FHIT: variants seen among roughly 807,000 people sequenced by gnomAD.
The protein encoded by FHIT is bis(5'-adenosyl)-triphosphatase.
Under a neutral mutation model 17.9 loss-of-function variants are expected in FHIT, and 19 were observed. The ratio of observed to expected loss-of-function variants is 1.06; its 90% confidence interval spans 0.74 to 1.56. FHIT has a LOEUF of 1.56. FHIT is among the 40% of genes most tolerant of loss of function. FHIT has a pLI of 0.00. For missense variants in FHIT, 248 were observed against 189.2 expected, an observed-to-expected ratio of 1.31 and a Z score of -1.82; for synonymous variants, 81 against 69.7, an observed-to-expected ratio of 1.16 and a Z score of -0.81.
At chr3:61,216,579 A>G (rs1045938350) in intron 1 of FHIT, among the ~76,000 whole-genome samples, 11 of 152,356 alleles carry the variant, frequency 7.2e-5, no homozygotes, top group East Asian at 1.9e-4. Context: ...TGTGGAAGTC[A>G]GTGTGGCGAT....
At chr3:60,556,703 T>A (rs1018644235) in intron 4 of FHIT, among the ~76,000 whole-genome samples, 1 of 152,146 alleles carries the variant, frequency 6.6e-6, no homozygotes, top group Non-Finnish European at 1.5e-5. Context: ...GGGGTGGGTT[T>A]TGGAATAGCA....
chr3:60,662,479 C>A (rs1553691406), intron 4 of FHIT, among the ~76,000 whole-genome samples: 1 of 152,096 alleles, frequency 6.6e-6, no homozygotes, highest in African/African-American at 2.4e-5. Context: ...AATGAGATGC[C>A]TCCAGATTTG....
chr3:60,903,492 T>G (rs1706229402), intron 3 of FHIT, among the ~76,000 whole-genome samples: 1 of 152,226 alleles, frequency 6.6e-6, no homozygotes, highest in Admixed American at 6.5e-5. Flanking sequence ...AGTGCACACT[T>G]CTAAGTTAGA....
intron 4 of FHIT, among the ~76,000 whole-genome samples, chr3:60,545,055 A>C (rs1010910225): frequency 2.9e-4 from 44 of 151,140 alleles, no homozygotes; most frequent in African/African-American, 1.0e-3. Context: ...GAAAGGACTA[A>C]GTTTTGACAA....
At chr3:60,793,654 C>T (rs1364837699) in intron 4 of FHIT, among the ~76,000 whole-genome samples, 1 of 151,962 alleles carries the variant, frequency 6.6e-6, no homozygotes. Flanking sequence ...CTGCTTACAG[C>T]GTGGCAAGAA....
chr3:60,853,396 T>C (rs889876485), intron 3 of FHIT, among the ~76,000 whole-genome samples: 1 of 152,124 alleles, frequency 6.6e-6, no homozygotes, highest in African/African-American at 2.4e-5. Flanking sequence ...CAGTTGGAAT[T>C]GTGAAGTCAT....
intron 5 of FHIT, among the ~76,000 whole-genome samples, chr3:60,519,445 T>G (rs1469434525): frequency 6.6e-6 from 1 of 152,206 alleles, no homozygotes; most frequent in African/African-American, 2.4e-5. Context: ...ATCTGCATAG[T>G]TGAAAATTCA....
intron 5 of FHIT, among the ~76,000 whole-genome samples, chr3:60,529,708 T>G (rs2035702460): frequency 1.3e-5 from 2 of 152,190 alleles, no homozygotes; most frequent in South Asian, 4.1e-4. Context: ...CCATGACAGT[T>G]TAAAACTACT....
intron 4 of FHIT, among the ~76,000 whole-genome samples, chr3:60,621,183 T>G (rs1299637237): frequency 7.6e-6 from 1 of 131,424 alleles, no homozygotes; most frequent in Non-Finnish European, 1.6e-5. Context: ...GAGTCTCACA[T>G]GGTCACCTAG....
At chr3:61,019,516 G>C (rs1242542362) in intron 3 of FHIT, among the ~76,000 whole-genome samples, 1 of 152,182 alleles carries the variant, frequency 6.6e-6, no homozygotes, top group Non-Finnish European at 1.5e-5. Flanking sequence ...AAGTCTAATA[G>C]ATTGCCATAT....
intron 3 of FHIT, among the ~76,000 whole-genome samples, chr3:60,825,751 T>C (rs1256921525): frequency 6.6e-6 from 1 of 152,178 alleles, no homozygotes; most frequent in South Asian, 2.1e-4. Flanking sequence ...CACCTCCCCA[T>C]CCATGGAAAA....
chr3:60,296,908 T>TTAG (rs1708237130), intron 5 of FHIT, among the ~76,000 whole-genome samples: 1 of 135,316 alleles, frequency 7.4e-6, no homozygotes, highest in Admixed American at 8.1e-5. Context: ...ACTGAATTGC[T>TTAG]TTTTTATTTT....
chr3:60,908,817 G>C (rs782453886), intron 3 of FHIT, among the ~76,000 whole-genome samples: 2 of 151,580 alleles, frequency 1.3e-5, no homozygotes, highest in African/African-American at 2.4e-5. Flanking sequence ...AGCTGTAATA[G>C]CAGAGCCATT....
At chr3:60,926,490 G>C (rs1249554955) in intron 3 of FHIT, among the ~76,000 whole-genome samples, 3 of 152,320 alleles carry the variant, frequency 2.0e-5, no homozygotes, top group African/African-American at 7.2e-5. Context: ...CAGAAATAAA[G>C]ACGTTCTTTG....
chr3:60,375,117 CA>C (rs1700497612), intron 5 of FHIT, among the ~76,000 whole-genome samples: 1 of 141,710 alleles, frequency 7.1e-6, no homozygotes, highest in Admixed American at 7.0e-5. Flanking sequence ...AAAAAAAAAA[CA>C]AAAACAAAAA....
chr3:60,826,067 T>C (rs969964641), intron 3 of FHIT, among the ~76,000 whole-genome samples: 3 of 151,974 alleles, frequency 2.0e-5, no homozygotes, highest in Admixed American at 2.0e-4. Flanking sequence ...GTACAGATGA[T>C]CATTACACTA....
chr3:61,118,839 C>T (rs183075346), intron 2 of FHIT, among the ~76,000 whole-genome samples: 13 of 152,222 alleles, frequency 8.5e-5, no homozygotes, highest in African/African-American at 1.7e-4. Context: ...TTATCATGAT[C>T]GTCTCTGATA....
chr3:60,312,956 C>T lies in FHIT; in HGVS notation c.103+223904G>A, dbSNP rs553994245. 4.6e-5 allele frequency among the ~76,000 whole-genome samples: 7 copies of T among 152,304 alleles called. No homozygotes were observed. The South Asian group carries it at 6.2e-4, about 14-fold the overall frequency. On this transcript the variant is annotated intron_variant, in intron 5 of 9. Coordinates refer to ENST00000492590, the MANE Select transcript of FHIT (RefSeq NM_002012.4). ...GTATTTACTGGTGTTCACAATGACA[C>T]GCATGAGACCGAGTGCATCCATAAC...
At chr3:60,456,094 T>G (rs2032073789) in intron 5 of FHIT, among the ~76,000 whole-genome samples, 1 of 152,126 alleles carries the variant, frequency 6.6e-6, no homozygotes, top group South Asian at 2.1e-4. Flanking sequence ...CATAAAAAGC[T>G]CCACCACATG....
Sources: gnomAD v4.1 joint callset for allele counts (sites outside exome capture counted in the v4.1 genomes callset) on GRCh38, gnomAD v4.1.1 for gene constraint, MANE v1.5 for transcripts, NCBI Gene and HGNC (gene_info 2026-07-23, HGNC 2026-07-21) for gene names.